Variants in SENP5 observed in about 807,000 individuals in gnomAD.
SENP5 encodes SUMO specific peptidase 5.
Under a neutral mutation model 74.2 loss-of-function variants are expected in SENP5, and 21 were observed. That is an observed-to-expected ratio of 0.28 (90% CI 0.20 to 0.41). The LOEUF is 0.41. Ranked by LOEUF, SENP5 falls within the 10% of genes least tolerant of loss-of-function variation. The pLI is 1.00. For missense variants in SENP5, 717 were observed against 889.1 expected, an observed-to-expected ratio of 0.81 and a Z score of 2.46; for synonymous variants, 311 against 312.7, an observed-to-expected ratio of 0.99 and a Z score of 0.06.
chr3:196,917,334 CAG>C (rs1307386895), intron 6 of SENP5, among the ~76,000 whole-genome samples: 1 of 151,832 alleles, frequency 6.6e-6, no homozygotes, highest in Non-Finnish European at 1.5e-5. Flanking sequence ...CTAGAAGTCA[CAG>C]GGCAAATCTG....
At chr3:196,929,310 G>T in intron 8 of SENP5, 1 of 265,278 alleles carries the variant, frequency 3.8e-6, no homozygotes, top group South Asian at 4.5e-5. Context: ...CCCAGGCACA[G>T]TTCCATTTTG....
In SENP5 at chr3:196,885,623, G is replaced by A. The variant is rs746574517; in HGVS notation, c.442G>A (p.Ala148Thr). 6.2e-7 allele frequency: 1 copy of A among 1,614,204 alleles called. No individual in the cohort carries two copies. The highest frequency in any genetic ancestry group is 8.5e-7 in the Non-Finnish European group (1 of 1,180,050). ...KAVTDFPSNS[A>T]LGQANGHRPR... is the part of the protein sequence containing the mutation. ...AGTTACTGACTTTCCATCAAATAGT[G>A]CTTTAGGTCAGGCCAATGGTCACAG... The change falls in exon 2 of 10, where the codon GCT (alanine) becomes ACT (threonine). Residue 148 changes from alanine (A) to threonine (T), a missense_variant. Physicochemically the swap from Ala to Thr is moderately conservative, Grantham distance 58. Transcript: ENST00000323460.
intron 2 of SENP5, among the ~76,000 whole-genome samples, chr3:196,888,385 C>A (rs150536288): frequency 1.3e-5 from 2 of 151,840 alleles, no homozygotes; most frequent in Admixed American, 6.6e-5. Context: ...GAGTTCAAGA[C>A]GAGGCTGATC....
chr3:196,870,975 C>G (rs936429345), intron 1 of SENP5, among the ~76,000 whole-genome samples: 2 of 151,650 alleles, frequency 1.3e-5, no homozygotes, highest in Admixed American at 6.6e-5. Flanking sequence ...AGAGAACAGC[C>G]TGGCCAACAT....
chr3:196,918,336 T>A (rs1577841431), intron 6 of SENP5, among the ~76,000 whole-genome samples: 1 of 146,776 alleles, frequency 6.8e-6, no homozygotes, highest in Non-Finnish European at 1.5e-5. Flanking sequence ...CAACAAAAAG[T>A]CAAAGAGGGG....
chr3:196,900,198 T>C, intron 4 of SENP5, 136 bp downstream of exon 4: 1 of 1,256,720 alleles, frequency 8.0e-7, no homozygotes, highest in East Asian at 2.5e-5. Context: ...TGCCCCAGGA[T>C]CCAAACGGTT....
chr3:196,876,698 T>C (rs1482718964), intron 1 of SENP5, among the ~76,000 whole-genome samples: 1 of 134,694 alleles, frequency 7.4e-6, no homozygotes, highest in East Asian at 2.0e-4. Context: ...CTGGGCAACA[T>C]AGACCGTATT....
chr3:196,874,560 T>TC (rs1414007192), intron 1 of SENP5, among the ~76,000 whole-genome samples: 2 of 152,300 alleles, frequency 1.3e-5, no homozygotes, highest in East Asian at 3.9e-4. Context: ...TCATTTTTTT[T>TC]CACTTTCCTT....
chr3:196,934,474 T>G lies in SENP5; in HGVS notation c.*3551T>G, dbSNP rs1716168646. 1 of 152,232 alleles carries G rather than the reference T, an allele frequency of 6.6e-6. No individual in the cohort carries two copies. Among genetic ancestry groups the G allele is most frequent in the Admixed American group, 6.5e-5 (1 of 15,292 alleles). 9.4% of individuals were successfully genotyped at this position (152,232 alleles called of 1,614,324 possible). ...ATCAGCAGTTACAAAGCACATACTT[T>G]GTTACGTGCTAGGCTTTGCCTCCTG... On this transcript the variant is annotated 3_prime_UTR_variant, in exon 10 of 10. Transcript: ENST00000323460.
Position 196,886,136 on chromosome 3 carries a change from A to G in SENP5, c.955A>G (p.Thr319Ala), listed in dbSNP as rs756129309. The change falls in exon 2 of 10, where the codon ACG becomes GCG. Residue 319 changes from threonine (T) to alanine (A), a missense_variant. Around this residue, in one of 4 missense-constraint regions of SENP5, gnomAD observed 567 missense variants for 577.4 expected, o/e 0.98. Coordinates refer to ENST00000323460, the MANE Select transcript of SENP5 (RefSeq NM_152699.5). ...GGACAGCAGTGCTGTGGTGAAGGGG[A>G]CGAACTCTCATGTGCCTGATTGCCA... The part of the protein sequence containing the change: ...DMDSSAVVKG[T>A]NSHVPDCHTK... 6.2e-7 allele frequency: 1 copy of G among 1,614,136 alleles called. No individual in the cohort carries two copies. The highest frequency in any genetic ancestry group is 1.1e-5 in the South Asian group (1 of 91,080).
intron 2 of SENP5, among the ~76,000 whole-genome samples, chr3:196,897,282 CA>C (rs1185346399): frequency 1.3e-5 from 2 of 152,128 alleles, no homozygotes; most frequent in Admixed American, 6.6e-5. Context: ...CATGTAGACA[CA>C]AGGTTATGAT....
chr3:196,899,881 T>C, intron 3 of SENP5, 43 bp from the exon 4 acceptor site: 4 of 1,604,390 alleles, frequency 2.5e-6, no homozygotes, highest in Non-Finnish European at 3.4e-6. Context: ...TGAGAAGTAC[T>C]CATGTTTTTT....
intron 2 of SENP5, among the ~76,000 whole-genome samples, chr3:196,892,438 T>C (rs1714251762): frequency 6.6e-6 from 1 of 152,224 alleles, no homozygotes; most frequent in Admixed American, 6.5e-5. Flanking sequence ...TGAGCCACTG[T>C]GCCTGACCTA....
intron 1 of SENP5, among the ~76,000 whole-genome samples, chr3:196,875,142 C>T (rs893004670): frequency 3.3e-5 from 5 of 152,208 alleles, no homozygotes; most frequent in East Asian, 1.9e-4. Flanking sequence ...TTCCCCTAAT[C>T]GATCTCCGTC....
intron 6 of SENP5, among the ~76,000 whole-genome samples, chr3:196,910,026 T>C (rs972627836): frequency 1.3e-5 from 2 of 152,126 alleles, no homozygotes; most frequent in African/African-American, 4.8e-5. Flanking sequence ...CAAAACCCCT[T>C]ACGTTGATAA....
intron 2 of SENP5, among the ~76,000 whole-genome samples, chr3:196,893,975 A>G (rs1314838047): frequency 1.3e-5 from 2 of 152,056 alleles, no homozygotes; most frequent in Non-Finnish European, 2.9e-5. Context: ...AAAGTCCAGA[A>G]GGAATTATGG....
intron 2 of SENP5, among the ~76,000 whole-genome samples, chr3:196,898,946 G>A (rs761113156): frequency 5.9e-5 from 9 of 152,024 alleles, no homozygotes; most frequent in Non-Finnish European, 1.0e-4. Flanking sequence ...GGGCGTGGTG[G>A]CAGGCGCCTG....
chr3:196,912,078 G>T (rs1008603470), intron 6 of SENP5, among the ~76,000 whole-genome samples: 1 of 152,024 alleles, frequency 6.6e-6, no homozygotes, highest in Non-Finnish European at 1.5e-5. Context: ...CCTATTACTG[G>T]GTATATACCC....
intron 6 of SENP5, among the ~76,000 whole-genome samples, chr3:196,918,339 AAG>A (rs1427026341): frequency 1.3e-5 from 2 of 150,832 alleles, no homozygotes; most frequent in Non-Finnish European, 3.0e-5. Flanking sequence ...CAAAAAGTCA[AAG>A]AGGGGGATGG....
Sources: allele counts gnomAD v4.1 joint callset (sites outside exome capture counted in the v4.1 genomes callset), GRCh38; gene constraint gnomAD v4.1.1; regional missense constraint gnomAD v4.1.1; transcripts MANE v1.5; gene names NCBI Gene and HGNC (gene_info 2026-07-23, HGNC 2026-07-21).